AMPD3: variants seen among roughly 807,000 people sequenced by gnomAD.
The protein encoded by AMPD3 is adenosine monophosphate deaminase 3, also known as AMP deaminase 3.
A neutral mutation model predicts 82.3 loss-of-function variants in AMPD3; 57 were observed. The observed-to-expected ratio is 0.69, with a 90% CI of 0.56 to 0.86. AMPD3 has a LOEUF of 0.86. Ranked by LOEUF, AMPD3 falls within the 40% of genes least tolerant of loss-of-function variation. The pLI is 0.00. For synonymous variants in AMPD3, 381 were observed against 394.7 expected (o/e 0.97, Z 0.41); for missense variants, 870 against 1,003.8 (o/e 0.87, Z 1.80).
chr11:10,499,897 T>A, intron 10 of AMPD3, 189 bp from the exon 11 acceptor site: 1 of 984,984 alleles, frequency 1.0e-6, no homozygotes, highest in Non-Finnish European at 1.2e-6. Context: ...GGGGCAGACC[T>A]TGGTGTTGTA....
chr11:10,483,161 A>G (rs1848963555), intron 4 of AMPD3, among the ~76,000 whole-genome samples: 1 of 152,178 alleles, frequency 6.6e-6, no homozygotes, highest in East Asian at 1.9e-4. Context: ...TGGTAGCTAC[A>G]TTTATGCTGC....
At chr11:10,475,336 C>G (rs981618791) in intron 2 of AMPD3, among the ~76,000 whole-genome samples, 1 of 152,146 alleles carries the variant, frequency 6.6e-6, no homozygotes, top group African/African-American at 2.4e-5. Context: ...CCAATCACCT[C>G]CCACCAGCCC....
intron 2 of AMPD3, chr11:10,476,816 A>G (rs1459436161): frequency 1.6e-6 from 1 of 625,502 alleles, no homozygotes; most frequent in African/African-American, 2.0e-5. Context: ...TCCCTGGGGC[A>G]GGATGCTTGG....
At chr11:10,501,420 A>T in intron 11 of AMPD3, 50 bp from the exon 12 acceptor site, 3 of 1,605,964 alleles carry the variant, frequency 1.9e-6, no homozygotes, top group Non-Finnish European at 2.6e-6. Flanking sequence ...GGCCCCAGGC[A>T]GAGCCAACTG....
At position 10,495,753 on chromosome 11, in the gene AMPD3, G is replaced by C; in HGVS notation, c.1430+20G>C. On this transcript the variant is annotated intron_variant, in intron 9 of 14. Transcript: ENST00000396553. ...GATTTAGTAAGTGAGGTGGCCCGCTGTCTACCCTGTGCCCTACAGAGGTGA... is the reference window on the plus strand; with the variant it reads ...GATTTAGTAAGTGAGGTGGCCCGCTCTCTACCCTGTGCCCTACAGAGGTGA... 6.2e-7 allele frequency: 1 copy of C among 1,613,756 alleles called. No homozygotes were observed. Among genetic ancestry groups the C allele is most frequent in the South Asian group, 1.1e-5 (1 of 91,038 alleles).
intron 5 of AMPD3, among the ~76,000 whole-genome samples, chr11:10,486,241 G>T (rs1017836299): frequency 6.6e-6 from 1 of 152,158 alleles, no homozygotes; most frequent in Non-Finnish European, 1.5e-5. Context: ...CCTGTGCTCC[G>T]TCCACTCTGG....
intron 10 of AMPD3, chr11:10,499,875 G>A (rs1849526497): frequency 2.0e-6 from 2 of 985,284 alleles, no homozygotes; most frequent in Admixed American, 6.1e-5. Flanking sequence ...GAGTACCTAT[G>A]GAAGCTCCGA....
At chr11:10,498,196 C>G (rs1453080541) in intron 10 of AMPD3, among the ~76,000 whole-genome samples, 2 of 152,180 alleles carry the variant, frequency 1.3e-5, no homozygotes, top group East Asian at 3.9e-4. Context: ...GGACTCTGCA[C>G]AAAGTGTGGG....
chr11:10,455,984 A>G, intron 1 of AMPD3: 2 of 985,314 alleles, frequency 2.0e-6, no homozygotes, highest in Non-Finnish European at 2.4e-6. Context: ...CGTTAGAGGG[A>G]GGCTGTGGCT....
At chr11:10,500,878 G>A (rs72859117) in intron 11 of AMPD3, 10,581 of 985,414 alleles carry the variant, frequency 0.011, 69 homozygotes, top group Middle Eastern at 0.012. Flanking sequence ...TACAAGTCTT[G>A]CATCCCACTT....
intron 6 of AMPD3, 110 bp from the exon 7 acceptor site, chr11:10,493,238 CG>C: frequency 7.8e-7 from 1 of 1,281,584 alleles, no homozygotes; most frequent in Admixed American, 1.7e-5. Context: ...TGGGGCTGCC[CG>C]GATGGCCCAT....
upstream of AMPD3, chr11:10,451,186 C>G (rs917010464): frequency 6.8e-7 from 1 of 1,466,126 alleles, no homozygotes; most frequent in African/African-American, 1.4e-5. Context: ...GACTCCGGTC[C>G]GATCCCTTGC....
At chr11:10,494,560 T>A (rs1325001914) in intron 7 of AMPD3, 2 of 985,256 alleles carry the variant, frequency 2.0e-6, no homozygotes, top group African/African-American at 3.5e-5. Flanking sequence ...GTGGAGAAAG[T>A]GCTTTACAAA....
At chr11:10,487,511 C>A (rs1175249018) in intron 6 of AMPD3, 147 bp downstream of exon 6, 2 of 1,120,464 alleles carry the variant, frequency 1.8e-6, no homozygotes, top group African/African-American at 1.5e-5. Context: ...GGGTATGAAG[C>A]ATATGTGCAG....
chr11:10,468,726 G>T (rs1039843516), intron 2 of AMPD3, among the ~76,000 whole-genome samples: 1 of 152,108 alleles, frequency 6.6e-6, no homozygotes, highest in Non-Finnish European at 1.5e-5. Flanking sequence ...CTTTAAAATT[G>T]ACCACATAAT....
At chr11:10,487,206 T>C in intron 5 of AMPD3, 29 bp from the exon 6 acceptor site, 1 of 1,613,680 alleles carries the variant, frequency 6.2e-7, no homozygotes, top group South Asian at 1.1e-5. Context: ...GCGACTCAAC[T>C]ATGGTCTCTC....
chr11:10,501,591 G>A lies in AMPD3; in HGVS notation c.1842+1G>A. 1 of 1,614,146 alleles carries A rather than the reference G, an allele frequency of 6.2e-7. No homozygotes were observed. The highest frequency in any genetic ancestry group is 8.5e-7 in the Non-Finnish European group (1 of 1,180,024). On this transcript the variant is annotated splice_donor_variant, in intron 12 of 14. Coordinates refer to ENST00000396553, the MANE Select transcript of AMPD3 (RefSeq NM_001025389.2). LOFTEE classifies it high-confidence loss of function. The stretch of plus-strand genomic sequence containing the variant: ...TTCCCACGGGCTGCTCCTCAAGAAG[G>A]TAACCAGGTCACTCTCGGGAGCCCG...
intron 11 of AMPD3, chr11:10,500,835 CAGGGCA>C: frequency 1.0e-6 from 1 of 985,436 alleles, no homozygotes; most frequent in Non-Finnish European, 1.2e-6. Context: ...GTTAGCTGCC[CAGGGCA>C]GCAGGACACT....
intron 2 of AMPD3, among the ~76,000 whole-genome samples, chr11:10,464,415 G>A (rs1006129178): frequency 1.3e-5 from 2 of 152,226 alleles, no homozygotes; most frequent in East Asian, 1.9e-4. Flanking sequence ...GCAAGAACTA[G>A]AGCCCATATC....
Sources: gnomAD v4.1 joint callset for allele counts (sites outside exome capture counted in the v4.1 genomes callset) on GRCh38, gnomAD v4.1.1 for gene constraint, MANE v1.5 for transcripts, NCBI Gene and HGNC (gene_info 2026-07-23, HGNC 2026-07-21) for gene names.